SDCCAG8: variants seen among roughly 807,000 people sequenced by gnomAD.
SDCCAG8 encodes serologically defined colon cancer antigen 8.
In SDCCAG8, 74 loss-of-function variants were observed where a neutral mutation model predicts 101.8. That is an observed-to-expected ratio of 0.73 (90% CI 0.60 to 0.88). The LOEUF is 0.88. Ranked by LOEUF, SDCCAG8 falls within the 40% of genes least tolerant of loss-of-function variation. The pLI, the probability that SDCCAG8 is intolerant of heterozygous loss-of-function variation, is 0.00. For missense variants in SDCCAG8, 787 were observed against 822.6 expected (o/e 0.96, Z 0.53); for synonymous variants, 281 against 292.9 (o/e 0.96, Z 0.41).
intron 16 of SDCCAG8, among the ~76,000 whole-genome samples, chr1:243,486,247 T>G (rs1200447029): frequency 6.6e-6 from 1 of 151,172 alleles, no homozygotes; most frequent in Non-Finnish European, 1.5e-5. Context: ...TTCCCAATAT[T>G]TGTAATACTG....
intron 12 of SDCCAG8, among the ~76,000 whole-genome samples, chr1:243,360,784 T>C (rs1477821336): frequency 2.6e-5 from 4 of 152,014 alleles, no homozygotes; most frequent in African/African-American, 9.7e-5. Flanking sequence ...ATTGCGCCAC[T>C]GCACTCCAGC....
intron 12 of SDCCAG8, among the ~76,000 whole-genome samples, chr1:243,351,290 C>T (rs374773367): frequency 1.3e-5 from 2 of 152,284 alleles, no homozygotes; most frequent in East Asian, 1.9e-4. Flanking sequence ...CTGCTCCCTA[C>T]GAAGACAACA....
chr1:243,369,291 G>A (rs937878472), intron 12 of SDCCAG8, among the ~76,000 whole-genome samples: 8 of 152,022 alleles, frequency 5.3e-5, no homozygotes, highest in South Asian at 4.1e-4. Context: ...AAAAATATAC[G>A]TGTTTCTTAG....
At chr1:243,330,757 T>G in intron 10 of SDCCAG8, 65 bp downstream of exon 10, 7 of 1,514,742 alleles carry the variant, frequency 4.6e-6, no homozygotes, top group Non-Finnish European at 6.4e-6. Context: ...CCATTGATGA[T>G]TCCATAGGCT....
At chr1:243,294,618 C>A (rs1418504106) in intron 6 of SDCCAG8, among the ~76,000 whole-genome samples, 1 of 150,260 alleles carries the variant, frequency 6.7e-6, no homozygotes, top group Non-Finnish European at 1.5e-5. Flanking sequence ...TAGGGATCAG[C>A]CATAGGTGAA....
At chr1:243,418,819 T>G (rs1251030020) in intron 15 of SDCCAG8, among the ~76,000 whole-genome samples, 1 of 152,208 alleles carries the variant, frequency 6.6e-6, no homozygotes, top group Non-Finnish European at 1.5e-5. Context: ...TTGGACAGAA[T>G]CACTTTAAAT....
intron 16 of SDCCAG8, among the ~76,000 whole-genome samples, chr1:243,453,709 C>T (rs569795479): frequency 1.6e-3 from 243 of 152,284 alleles, no homozygotes; most frequent in African/African-American, 5.6e-3. Flanking sequence ...TCAACTCCAG[C>T]AAAATATTTT....
chr1:243,364,545 C>T (rs890498244), intron 12 of SDCCAG8, among the ~76,000 whole-genome samples: 1 of 152,006 alleles, frequency 6.6e-6, no homozygotes, highest in Non-Finnish European at 1.5e-5. Context: ...CAGCCAGAGC[C>T]GGTGTGTTTG....
intron 13 of SDCCAG8, among the ~76,000 whole-genome samples, chr1:243,409,101 C>T (rs1384363528): frequency 6.6e-6 from 1 of 152,110 alleles, no homozygotes; most frequent in African/African-American, 2.4e-5. Flanking sequence ...AGTACCTATA[C>T]ATTTGTTTAA....
chr1:243,475,905 C>T, intron 16 of SDCCAG8: 1 of 983,412 alleles, frequency 1.0e-6, no homozygotes, highest in African/African-American at 1.7e-5. Flanking sequence ...TAAAAATTGA[C>T]TCCGCGTATT....
chr1:243,478,559 T>C (rs1479174944), intron 16 of SDCCAG8, among the ~76,000 whole-genome samples: 3 of 152,114 alleles, frequency 2.0e-5, no homozygotes, highest in Non-Finnish European at 2.9e-5. Context: ...ATACATTCTC[T>C]TCATTGAAGG....
intron 13 of SDCCAG8, among the ~76,000 whole-genome samples, chr1:243,391,778 A>G (rs1362685421): frequency 6.6e-6 from 1 of 152,242 alleles, no homozygotes; most frequent in African/African-American, 2.4e-5. Flanking sequence ...AACCATATGA[A>G]CAAAAGAGGT....
intron 10 of SDCCAG8, among the ~76,000 whole-genome samples, chr1:243,340,515 G>A (rs2075322246): frequency 6.6e-6 from 1 of 152,084 alleles, no homozygotes; most frequent in African/African-American, 2.4e-5. Context: ...AGATAATAGG[G>A]GGGCGGTTGG....
chr1:243,339,374 A>T (rs2075249440), intron 10 of SDCCAG8, among the ~76,000 whole-genome samples: 1 of 152,212 alleles, frequency 6.6e-6, no homozygotes, highest in African/African-American at 2.4e-5. Flanking sequence ...ATGGTTCCAG[A>T]AAAGCTATAA....
At chr1:243,293,446 T>G in intron 6 of SDCCAG8, 1 of 658,240 alleles carries the variant, frequency 1.5e-6, no homozygotes, top group Non-Finnish European at 2.8e-6. Flanking sequence ...TTAAACAATA[T>G]CTCCATTCCC....
intron 16 of SDCCAG8, among the ~76,000 whole-genome samples, chr1:243,429,990 C>T (rs974320772): frequency 6.6e-6 from 1 of 151,994 alleles, no homozygotes; most frequent in African/African-American, 2.4e-5. Context: ...AGCCACCATG[C>T]CTGGCCTAAT....
At chr1:243,431,149 A>T (rs2081737028) in intron 16 of SDCCAG8, among the ~76,000 whole-genome samples, 1 of 152,208 alleles carries the variant, frequency 6.6e-6, no homozygotes, top group South Asian at 2.1e-4. Flanking sequence ...GTGAGCCAAG[A>T]TGGCACCACT....
chr1:243,343,496 A>G (rs752274600), intron 11 of SDCCAG8, among the ~76,000 whole-genome samples: 5 of 152,216 alleles, frequency 3.3e-5, no homozygotes, highest in Non-Finnish European at 7.3e-5. Context: ...GATACACAAC[A>G]CTTTTAAGAT....
At chr1:243,368,479 AG>A (rs1171849642) in intron 12 of SDCCAG8, among the ~76,000 whole-genome samples, 1 of 152,154 alleles carries the variant, frequency 6.6e-6, no homozygotes, top group Non-Finnish European at 1.5e-5. Context: ...TAGAATTACC[AG>A]CTTTGCAAAA....
Sources: gnomAD v4.1 joint callset for allele counts (sites outside exome capture counted in the v4.1 genomes callset) on GRCh38, gnomAD v4.1.1 for gene constraint, MANE v1.5 for transcripts, NCBI Gene and HGNC (gene_info 2026-07-23, HGNC 2026-07-21) for gene names.